The following CLIP2 variants were observed in gnomAD, a reference collection of about 807,000 sequenced individuals.
CLIP2 encodes the protein CAP-Gly domain-containing linker protein 2.
Under a neutral mutation model 111.7 loss-of-function variants are expected in CLIP2, and 41 were observed. The ratio of observed to expected loss-of-function variants is 0.37; its 90% confidence interval spans 0.29 to 0.48. The LOEUF (loss-of-function observed/expected upper bound fraction) is 0.48, where lower values mean the gene tolerates loss of function less well. Ranked by LOEUF, CLIP2 falls within the 20% of genes least tolerant of loss-of-function variation. The pLI, the probability that CLIP2 is intolerant of heterozygous loss-of-function variation, is 0.99. For synonymous variants in CLIP2, 660 were observed against 644.2 expected, an observed-to-expected ratio of 1.02 and a Z score of -0.37; for missense variants, 1,160 against 1,422.1, an observed-to-expected ratio of 0.82 and a Z score of 2.96.
At chr7:74,389,850 G>A (rs1349029359) in intron 13 of CLIP2, among the ~76,000 whole-genome samples, 1 of 151,614 alleles carries the variant, frequency 6.6e-6, no homozygotes, top group Non-Finnish European at 1.5e-5. Context: ...AGTGAGCTGA[G>A]ATCATGCCAC....
rs71094780 is a variant in CLIP2 at position 74,385,122 on chromosome 7, CAAAAAAAAAAAA to C, written c.2480-1388_2480-1377del. 3.3e-4 allele frequency among the ~76,000 whole-genome samples: 17 copies of C among 51,602 alleles called. No individual in the cohort carries two copies. The East Asian group carries it at 0.011, about 32-fold the overall frequency. The allele number at this position is 51,602 out of a possible 152,430, so 33.9% of individuals were successfully genotyped here. On this transcript the variant is annotated intron_variant, in intron 11 of 16. Transcript: ENST00000223398. ...TGAAACCCTGTCTCTATTAAAAATA[CAAAAAAAAAAAA>C]AAAAAAAAAAGTTAGCCGGGTGTGG... is the stretch of plus-strand genomic sequence containing the variant.
chr7:74,337,596 T>TTC (rs1361291293), intron 2 of CLIP2, among the ~76,000 whole-genome samples: 1 of 151,170 alleles, frequency 6.6e-6, no homozygotes, highest in Non-Finnish European at 1.5e-5. Flanking sequence ...ATTGCTTCTT[T>TTC]TTTTTTTTGT....
At position 74,376,952 on chromosome 7, in the gene CLIP2, A is replaced by G. The variant is rs376419082; in HGVS notation, c.2421+130A>G. ...GAGAGCATGCCTGGGGCAGTCAAGG[A>G]AGGGGTCACCTGGCTTAGAGGAGGA... On this transcript the variant is annotated intron_variant, in intron 10 of 16. Coordinates refer to ENST00000223398, the MANE Select transcript of CLIP2 (RefSeq NM_003388.5). The surrounding 1 kb of genome is among the most constrained non-coding windows in gnomAD (Gnocchi z 7.1). The G allele has an allele frequency of 6.5e-5, 61 of 937,768 alleles. No homozygotes were observed. In the African/African-American group the frequency reaches 9.2e-4, roughly 14 times the overall value. The allele number at this position is 937,768 out of a possible 1,614,324, so 58.1% of individuals were successfully genotyped here.
chr7:74,331,452 G>C (rs1410497423), intron 2 of CLIP2, among the ~76,000 whole-genome samples: 1 of 151,796 alleles, frequency 6.6e-6, no homozygotes, highest in African/African-American at 2.4e-5. Flanking sequence ...CAGGATGTTG[G>C]GTGTAAGGTC....
At chr7:74,370,955 AC>A (rs1584369137) in intron 8 of CLIP2, among the ~76,000 whole-genome samples, 1 of 151,836 alleles carries the variant, frequency 6.6e-6, no homozygotes, top group East Asian at 1.9e-4. Context: ...CAGAATATAA[AC>A]CCGTTGAGGG....
In CLIP2 at chr7:74,404,165, CAGA is replaced by C; in HGVS notation, c.*320_*322del. On this transcript the variant is annotated 3_prime_UTR_variant, in exon 17 of 17. Coordinates refer to ENST00000223398, the MANE Select transcript of CLIP2 (RefSeq NM_003388.5). ...GGGGATCCGGCCAGGCCCCTCTGTC[CAGA>C]AGGAGCTGCCCTGAGGACCATCTTA... 5.0e-6 allele frequency: 2 copies of C among 399,402 alleles called. No homozygotes were observed. The highest frequency in any genetic ancestry group is 7.2e-5 in the Admixed American group (2 of 27,952). 24.7% of individuals were successfully genotyped at this position (399,402 alleles called of 1,614,324 possible). A position where few individuals can be genotyped will look rare whatever the true frequency, so the allele number is the denominator to read the frequency against.
At chr7:74,389,071 C>A (rs1422482706) in intron 12 of CLIP2, 32 bp from the exon 13 acceptor site, 1 of 1,579,868 alleles carries the variant, frequency 6.3e-7, no homozygotes, top group South Asian at 1.2e-5. Context: ...GTTCCCAATC[C>A]TCTTCCTCCC....
At chr7:74,301,219 G>T (rs1305439188) in intron 1 of CLIP2, among the ~76,000 whole-genome samples, 2 of 152,130 alleles carry the variant, frequency 1.3e-5, no homozygotes, top group Non-Finnish European at 2.9e-5. Context: ...TTGGCCGCTT[G>T]TATGTCTTCT....
chr7:74,339,154 T>A lies in CLIP2; in HGVS notation c.678+150T>A. 4.4e-6 allele frequency: 3 copies of A among 677,998 alleles called. No individual in the cohort carries two copies. In the South Asian group the frequency reaches 5.8e-5, roughly 13 times the overall value. The allele number at this position is 677,998 out of a possible 1,614,324, so 42.0% of individuals were successfully genotyped here. ...TCCAGCCTGGGACACCCATTCCTTA[T>A]CAGGACCATACAGAGTGACAAGAGA... On this transcript the variant is annotated intron_variant, in intron 3 of 16. Transcript: ENST00000223398.
At chr7:74,362,185 G>GC (rs1790347196) in intron 7 of CLIP2, among the ~76,000 whole-genome samples, 1 of 151,914 alleles carries the variant, frequency 6.6e-6, no homozygotes, top group East Asian at 1.9e-4. Flanking sequence ...GACTCTGGCC[G>GC]ACTTGGTCCT....
At chr7:74,328,024 G>C (rs1300171575) in intron 2 of CLIP2, among the ~76,000 whole-genome samples, 1 of 152,208 alleles carries the variant, frequency 6.6e-6, no homozygotes, top group Non-Finnish European at 1.5e-5. Flanking sequence ...TGGGATTCAG[G>C]ACGGTGTGGG....
At chr7:74,296,879 C>G (rs1174272491) in intron 1 of CLIP2, among the ~76,000 whole-genome samples, 1 of 152,024 alleles carries the variant, frequency 6.6e-6, no homozygotes, top group Non-Finnish European at 1.5e-5. Context: ...GTGAACGCTA[C>G]ATCTCTGTTG....
intron 1 of CLIP2, among the ~76,000 whole-genome samples, chr7:74,304,295 G>A (rs531445573): frequency 6.6e-6 from 1 of 152,162 alleles, no homozygotes; most frequent in South Asian, 2.1e-4. Context: ...GGGAGGCCAA[G>A]GCAGGTGGAT....
chr7:74,293,538 G>C (rs1788085159), intron 1 of CLIP2, among the ~76,000 whole-genome samples: 1 of 152,172 alleles, frequency 6.6e-6, no homozygotes. Context: ...ACCCGCCTCT[G>C]CTCGGCTAGT....
chr7:74,390,162 G>GAAAGA (rs1215571636), intron 13 of CLIP2, among the ~76,000 whole-genome samples: 4 of 84,916 alleles, frequency 4.7e-5, no homozygotes, highest in African/African-American at 1.7e-4. Context: ...AAGAAAGAAA[G>GAAAGA]AAGAAAGAAA....
At chr7:74,333,401 C>T (rs1023957176) in intron 2 of CLIP2, among the ~76,000 whole-genome samples, 2 of 152,030 alleles carry the variant, frequency 1.3e-5, no homozygotes, top group South Asian at 2.1e-4. Flanking sequence ...CCAGGCTGGT[C>T]TCAAACTCCT....
chr7:74,300,601 G>C (rs1055482938), intron 1 of CLIP2, among the ~76,000 whole-genome samples: 3 of 151,804 alleles, frequency 2.0e-5, no homozygotes, highest in Non-Finnish European at 2.9e-5. Context: ...GACTACCGGC[G>C]CCCGCCACCA....
chr7:74,367,733 C>T (rs1554311065), intron 8 of CLIP2, among the ~76,000 whole-genome samples: 1 of 152,114 alleles, frequency 6.6e-6, no homozygotes, highest in Non-Finnish European at 1.5e-5. Context: ...ATCCAGGCCT[C>T]CCCTAACACC....
rs541894414 is a variant in CLIP2 at position 74,293,837 on chromosome 7, T to G, written c.-68+4103T>G. 1.6e-4 allele frequency among the ~76,000 whole-genome samples: 25 copies of G among 151,894 alleles called. No individual in the cohort carries two copies. The East Asian group carries it at 4.6e-3, about 28-fold the overall frequency. On this transcript the variant is annotated intron_variant, in intron 1 of 16. Coordinates refer to ENST00000223398, the MANE Select transcript of CLIP2 (RefSeq NM_003388.5). ...GCCTGCCACTGGCTTCCCCCAGCCC[T>G]GCCCCGGGACAGGAGGAGGCTCTCT...
Sources: gnomAD v4.1 joint callset for allele counts (sites outside exome capture counted in the v4.1 genomes callset) on GRCh38, gnomAD v4.1.1 for gene constraint, Gnocchi (gnomAD v3.1) non-coding constraint, MANE v1.5 for transcripts, NCBI Gene and HGNC (gene_info 2026-07-23, HGNC 2026-07-21) for gene names.